Variants in RALYL observed in about 807,000 individuals in gnomAD.
The protein encoded by RALYL is RALY RNA binding protein like, also known as RNA-binding Raly-like protein.
RALYL carries 29 observed loss-of-function variants against 35.1 expected under a neutral mutation model. The observed-to-expected ratio is 0.83, with a 90% CI of 0.61 to 1.13. RALYL has a LOEUF of 1.13. Ranked by LOEUF, RALYL falls within the 50% of genes most tolerant of loss-of-function variation. The pLI is 0.00. For synonymous variants in RALYL, 120 were observed against 127.6 expected (o/e 0.94, Z 0.40); for missense variants, 359 against 360.4 (o/e 1.00, Z 0.03).
At chr8:84,911,124 A>C (rs558599132) in intron 8 of RALYL, among the ~76,000 whole-genome samples, 49 of 152,100 alleles carry the variant, frequency 3.2e-4, no homozygotes, top group Non-Finnish European at 6.6e-4. Context: ...TCTGAGGCTT[A>C]ATTTCCTTTT....
At chr8:84,487,803 A>G (rs901157569) in intron 1 of RALYL, among the ~76,000 whole-genome samples, 2 of 152,130 alleles carry the variant, frequency 1.3e-5, no homozygotes, top group African/African-American at 4.8e-5. Context: ...AGTTTACTTT[A>G]TAATGAATTT....
intron 2 of RALYL, among the ~76,000 whole-genome samples, chr8:84,709,435 T>C: frequency 6.6e-6 from 1 of 152,106 alleles, no homozygotes; most frequent in East Asian, 1.9e-4. Context: ...TACACGTGTA[T>C]ATATACATAA....
At chr8:84,693,548 G>A (rs2132193272) in intron 2 of RALYL, among the ~76,000 whole-genome samples, 1 of 151,998 alleles carries the variant, frequency 6.6e-6, no homozygotes, top group South Asian at 2.1e-4. Flanking sequence ...TGGGGACATA[G>A]CCAAACCATA....
At chr8:84,891,611 G>A (rs899859465) in intron 8 of RALYL, among the ~76,000 whole-genome samples, 1 of 152,128 alleles carries the variant, frequency 6.6e-6, no homozygotes, top group African/African-American at 2.4e-5. Flanking sequence ...GAGGCTTAGG[G>A]AACTAGAGAT....
intron 2 of RALYL, among the ~76,000 whole-genome samples, chr8:84,752,556 C>G (rs569018699): frequency 6.6e-6 from 1 of 152,108 alleles, no homozygotes; most frequent in African/African-American, 2.4e-5. Flanking sequence ...TTTCAGAGAG[C>G]TTTGCAGCAG....
chr8:84,752,108 G>A lies in RALYL; in HGVS notation c.257-22471G>A, dbSNP rs184839622. ...AAATGCTGATAGTGATATGGACGAT[G>A]AAGTCCAGGCTAAGGAGGTCTCAGA... On this transcript the variant is annotated intron_variant, in intron 2 of 8. Coordinates refer to ENST00000521268, the MANE Select transcript of RALYL (RefSeq NM_173848.7). Among the ~76,000 whole-genome samples, 775 of 152,300 alleles carry A rather than the reference G, an allele frequency of 5.1e-3. 5 individuals are homozygous for A. The highest frequency in any genetic ancestry group is 7.1e-3 in the Non-Finnish European group (480 of 68,020).
In RALYL at chr8:84,281,721, G is replaced by A. The variant is rs547581508; in HGVS notation, c.-24+97297G>A. Among the ~76,000 whole-genome samples the A allele has an allele frequency of 1.6e-4, 24 of 151,918 alleles. No homozygotes were observed. The East Asian group carries it at 2.1e-3, about 14-fold the overall frequency. ...ATTGTATGTGTATGTGTGTGTGCAC[G>A]CATGTATATATGTAATCTCCAAGTG... On this transcript the variant is annotated intron_variant, in intron 1 of 8. Coordinates refer to ENST00000521268, the MANE Select transcript of RALYL (RefSeq NM_173848.7).
At chr8:84,299,713 G>A (rs1840411582) in intron 1 of RALYL, among the ~76,000 whole-genome samples, 1 of 151,982 alleles carries the variant, frequency 6.6e-6, no homozygotes, top group Non-Finnish European at 1.5e-5. Context: ...TATATTGCCA[G>A]GAATTATCCA....
intron 1 of RALYL, among the ~76,000 whole-genome samples, chr8:84,317,228 A>G: frequency 9.4e-6 from 1 of 105,870 alleles, no homozygotes; most frequent in East Asian, 2.8e-4. Context: ...ATTATGTTAG[A>G]TGCTGGAGGG....
intron 2 of RALYL, among the ~76,000 whole-genome samples, chr8:84,649,209 ATCT>A (rs963742261): frequency 2.6e-5 from 4 of 152,084 alleles, no homozygotes; most frequent in Non-Finnish European, 2.9e-5. Flanking sequence ...ATTTATTTAA[ATCT>A]TCTCCCATTT....
chr8:84,496,784 A>G (rs2056081583), intron 1 of RALYL, among the ~76,000 whole-genome samples: 1 of 152,154 alleles, frequency 6.6e-6, no homozygotes, highest in African/African-American at 2.4e-5. Flanking sequence ...AACCACAGTC[A>G]GTGATACACT....
Position 84,841,578 on chromosome 8 carries a change from G to A in RALYL, c.366-8402G>A, listed in dbSNP as rs1200337808. Among the ~76,000 whole-genome samples, 6 of 152,154 alleles carry A rather than the reference G, an allele frequency of 3.9e-5. No homozygotes were observed. The South Asian group carries it at 8.3e-4, about 21-fold the overall frequency. On this transcript the variant is annotated intron_variant, in intron 4 of 8. Coordinates refer to ENST00000521268, the MANE Select transcript of RALYL (RefSeq NM_173848.7). ...GATCAACGAGACAGAAAGTTAACAAGGATATCCAGGACCTGAACTCAGCTC... is the reference window on the plus strand; with the variant it reads ...GATCAACGAGACAGAAAGTTAACAAAGATATCCAGGACCTGAACTCAGCTC...
chr8:84,750,911 C>A (rs1809825027), intron 2 of RALYL, among the ~76,000 whole-genome samples: 1 of 152,096 alleles, frequency 6.6e-6, no homozygotes, highest in Admixed American at 6.6e-5. Context: ...TTCATGTATT[C>A]TATTATAAGC....
chr8:84,775,876 T>C (rs551122998), intron 3 of RALYL, among the ~76,000 whole-genome samples: 2 of 152,336 alleles, frequency 1.3e-5, no homozygotes, highest in South Asian at 2.1e-4. Flanking sequence ...CATTAGTTTT[T>C]GTACTGTAAG....
chr8:84,784,408 C>T (rs1432819036), intron 3 of RALYL, among the ~76,000 whole-genome samples: 1 of 152,138 alleles, frequency 6.6e-6, no homozygotes, highest in Non-Finnish European at 1.5e-5. Flanking sequence ...TAGTCTCACT[C>T]TTACAATGTG....
At chr8:84,348,601 A>G (rs1455639207) in intron 1 of RALYL, among the ~76,000 whole-genome samples, 2 of 152,166 alleles carry the variant, frequency 1.3e-5, no homozygotes, top group Non-Finnish European at 2.9e-5. Context: ...ACCACCAGGA[A>G]CAATTACTGC....
intron 1 of RALYL, among the ~76,000 whole-genome samples, chr8:84,393,558 G>A (rs1238304726): frequency 4.6e-5 from 7 of 152,008 alleles, no homozygotes; most frequent in African/African-American, 2.4e-5. Context: ...ATCAGGAGGA[G>A]GAGACCACTG....
At chr8:84,257,487 T>A (rs1463236302) in intron 1 of RALYL, among the ~76,000 whole-genome samples, 1 of 152,160 alleles carries the variant, frequency 6.6e-6, no homozygotes, top group African/African-American at 2.4e-5. Flanking sequence ...AATTACTTAA[T>A]GGGACTGCAA....
At chr8:84,642,834 A>G (rs1221563476) in intron 2 of RALYL, among the ~76,000 whole-genome samples, 1 of 152,050 alleles carries the variant, frequency 6.6e-6, no homozygotes, top group Non-Finnish European at 1.5e-5. Context: ...AGCCACCTCA[A>G]GGTTCAGGGT....
Sources: allele counts gnomAD v4.1 joint callset (sites outside exome capture counted in the v4.1 genomes callset), GRCh38; gene constraint gnomAD v4.1.1; transcripts MANE v1.5; gene names NCBI Gene and HGNC (gene_info 2026-07-23, HGNC 2026-07-21).